Variants in TLCD4 observed in about 807,000 individuals in gnomAD.
The protein encoded by TLCD4 is TLC domain-containing protein 4.
In TLCD4, 7 loss-of-function variants were observed where a neutral mutation model predicts 24.2. That is an observed-to-expected ratio of 0.29 (90% CI 0.16 to 0.54). The LOEUF (loss-of-function observed/expected upper bound fraction) is 0.54, where lower values mean the gene tolerates loss of function less well. TLCD4 is among the 20% of genes least tolerant of loss of function. The pLI, the probability that TLCD4 is intolerant of heterozygous loss-of-function variation, is 0.95. For synonymous variants in TLCD4, 103 were observed against 106.4 expected, an observed-to-expected ratio of 0.97 and a Z score of 0.20; for missense variants, 259 against 313.9, an observed-to-expected ratio of 0.82 and a Z score of 1.32.
At chr1:95,146,795 T>C (rs1221117329) in intron 2 of TLCD4, among the ~76,000 whole-genome samples, 3 of 152,164 alleles carry the variant, frequency 2.0e-5, no homozygotes, top group East Asian at 3.9e-4. Context: ...TATTTAACTT[T>C]TCTGTACTGA....
intron 6 of TLCD4, among the ~76,000 whole-genome samples, chr1:95,176,491 C>T (rs1678437315): frequency 1.3e-5 from 2 of 152,154 alleles, no homozygotes; most frequent in African/African-American, 4.8e-5. Flanking sequence ...GAGCCAAGCC[C>T]TTTGCCCATT....
intron 1 of TLCD4, among the ~76,000 whole-genome samples, chr1:95,130,739 A>G (rs570741532): frequency 6.6e-6 from 1 of 152,330 alleles, no homozygotes; most frequent in Admixed American, 6.5e-5. Context: ...TAAATAAGTC[A>G]ATAAATCAGT....
chr1:95,109,939 A>G, the TLCD4 span, among the ~76,000 whole-genome samples: 1 of 140,706 alleles, frequency 7.1e-6, no homozygotes, highest in East Asian at 2.1e-4. Context: ...ATATATATAT[A>G]TATATATATA....
In TLCD4 at chr1:95,192,061, C is replaced by A. The variant is rs1419789383; in HGVS notation, c.*193C>A. 5 of 1,320,110 alleles carry A rather than the reference C, an allele frequency of 3.8e-6. No homozygotes were observed. Among genetic ancestry groups the A allele is most frequent in the Non-Finnish European group, 4.9e-6 (5 of 1,015,690 alleles). 81.8% of individuals were successfully genotyped at this position (1,320,110 alleles called of 1,614,324 possible). ...CCTGTAATCCCAGCACTTTGGGAGGCCAAGGTGGGTCGATCACTGAGGTCA... is the reference window on the plus strand; with the variant it reads ...CCTGTAATCCCAGCACTTTGGGAGGACAAGGTGGGTCGATCACTGAGGTCA... On this transcript the variant is annotated 3_prime_UTR_variant, in exon 7 of 7. Transcript: ENST00000370203.
rs538188263 is a variant in TLCD4 at position 95,186,314 on chromosome 1, C to G, written c.474-5236C>G. 5.3e-5 allele frequency among the ~76,000 whole-genome samples: 8 copies of G among 152,298 alleles called. No homozygotes were observed. In the East Asian group the frequency reaches 1.5e-3, roughly 29 times the overall value. On this transcript the variant is annotated intron_variant, in intron 6 of 6. Transcript: ENST00000370203. ...GCGGCCTGACTGCAGAGCACCCTAG[C>G]TACTCTTCACGTCATTCTGTATTGC... is the stretch of plus-strand genomic sequence containing the variant.
the TLCD4 span, among the ~76,000 whole-genome samples, chr1:95,109,951 A>G: frequency 2.8e-5 from 4 of 141,416 alleles, no homozygotes; most frequent in Non-Finnish European, 6.1e-5. Context: ...ATATATATAT[A>G]TATATATACA....
Position 95,193,405 on chromosome 1 carries a change from T to C in TLCD4, c.*1537T>C, listed in dbSNP as rs1033238398. ...ATTTATCTATTATTGCCTTTATTCT[T>C]TAAGCACTTGAGTTTAATGATTATT... On this transcript the variant is annotated 3_prime_UTR_variant, in exon 7 of 7. Coordinates refer to ENST00000370203, the MANE Select transcript of TLCD4 (RefSeq NM_152487.3). 4 of 152,104 alleles carry C rather than the reference T, an allele frequency of 2.6e-5. No individual in the cohort carries two copies. The highest frequency in any genetic ancestry group is 9.7e-5 in the African/African-American group (4 of 41,446). 9.4% of individuals were successfully genotyped at this position (152,104 alleles called of 1,614,324 possible).
At chr1:95,186,598 A>G (rs1362680128) in intron 6 of TLCD4, among the ~76,000 whole-genome samples, 2 of 152,188 alleles carry the variant, frequency 1.3e-5, no homozygotes, top group African/African-American at 4.8e-5. Context: ...ACTGAGGTAT[A>G]ATATTTCTTG....
intron 5 of TLCD4, among the ~76,000 whole-genome samples, chr1:95,161,807 T>C (rs555753470): frequency 2.8e-4 from 42 of 152,198 alleles, no homozygotes; most frequent in Middle Eastern, 3.4e-3. Flanking sequence ...TGTAGTTGAG[T>C]GGTTTTGAGT....
At chr1:95,177,340 G>C (rs536134759) in intron 6 of TLCD4, among the ~76,000 whole-genome samples, 3 of 152,184 alleles carry the variant, frequency 2.0e-5, no homozygotes, top group African/African-American at 4.8e-5. Flanking sequence ...ATGATTATAT[G>C]TCTTGTTATT....
intron 6 of TLCD4, among the ~76,000 whole-genome samples, chr1:95,184,876 C>T (rs1325834334): frequency 6.6e-6 from 1 of 152,026 alleles, no homozygotes; most frequent in Admixed American, 6.5e-5. Context: ...GTAAGGAGGA[C>T]AGTTATGTAA....
chr1:95,150,215 C>G lies in TLCD4; in HGVS notation c.253C>G (p.Pro85Ala). 1 of 1,604,810 alleles carries G rather than the reference C, an allele frequency of 6.2e-7. No homozygotes were observed. The highest frequency in any genetic ancestry group is 8.5e-7 in the Non-Finnish European group (1 of 1,177,924). Residue 85 changes from proline (P) to alanine (A), a missense_variant, in exon 4 of 7, where the codon CCA becomes GCA. By Grantham distance (27) the Pro-to-Ala change is conservative (BLOSUM62 -1). Transcript: ENST00000370203. Reference sequence around the variant, plus strand: ...ACCTTTTTTTTTTTTCAGGGGTGGTCCATCACTTGCAAACGTGAATATTGC... The same window carrying G: ...ACCTTTTTTTTTTTTCAGGGGTGGTGCATCACTTGCAAACGTGAATATTGC... Reference protein sequence around the residue: ...ATKADPLWGGPSLANVNIAIA... With the variant: ...ATKADPLWGGASLANVNIAIA...
chr1:95,120,450 C>A (rs1676539849), intron 1 of TLCD4, among the ~76,000 whole-genome samples: 1 of 152,182 alleles, frequency 6.6e-6, no homozygotes, highest in Non-Finnish European at 1.5e-5. Flanking sequence ...AGATCCCAGA[C>A]CTGATCAGGC....
intron 1 of TLCD4, among the ~76,000 whole-genome samples, chr1:95,128,628 A>T (rs1222739966): frequency 6.6e-6 from 1 of 152,178 alleles, no homozygotes; most frequent in African/African-American, 2.4e-5. Context: ...CTGTGTCAGA[A>T]TATCTTGGTG....
At chr1:95,180,340 C>T (rs1389691523) in intron 6 of TLCD4, among the ~76,000 whole-genome samples, 1 of 152,124 alleles carries the variant, frequency 6.6e-6, no homozygotes, top group South Asian at 2.1e-4. Flanking sequence ...GTACCTTTAT[C>T]TAAAAGCTTT....
intron 5 of TLCD4, among the ~76,000 whole-genome samples, chr1:95,157,121 T>A (rs980441768): frequency 6.6e-6 from 1 of 152,142 alleles, no homozygotes; most frequent in African/African-American, 2.4e-5. Flanking sequence ...AAAAGCTGTT[T>A]TAGGTAATTC....
intron 1 of TLCD4, among the ~76,000 whole-genome samples, chr1:95,135,822 T>C (rs1001842440): frequency 6.6e-6 from 1 of 152,102 alleles, no homozygotes; most frequent in Non-Finnish European, 1.5e-5. Flanking sequence ...TGGGCTCAAG[T>C]GATTCTCCCA....
chr1:95,116,785 T>C (rs1171798614), upstream of TLCD4, among the ~76,000 whole-genome samples: 1 of 152,180 alleles, frequency 6.6e-6, no homozygotes, highest in Non-Finnish European at 1.5e-5. Context: ...GGTGTAGGTG[T>C]AGTGCTGGTG....
intron 5 of TLCD4, among the ~76,000 whole-genome samples, chr1:95,152,662 G>A (rs1232790011): frequency 1.3e-5 from 2 of 152,038 alleles, no homozygotes; most frequent in Non-Finnish European, 2.9e-5. Context: ...TATATTTACT[G>A]ACGTTTTGAA....
Sources: allele counts gnomAD v4.1 joint callset (sites outside exome capture counted in the v4.1 genomes callset), GRCh38; gene constraint gnomAD v4.1.1; transcripts MANE v1.5; gene names NCBI Gene and HGNC (gene_info 2026-07-23, HGNC 2026-07-21).